UBE2E2: variants seen among roughly 807,000 people sequenced by gnomAD.
The protein encoded by UBE2E2 is ubiquitin conjugating enzyme E2 E2.
Under a neutral mutation model 24.7 loss-of-function variants are expected in UBE2E2, and 6 were observed. The ratio of observed to expected loss-of-function variants is 0.24; its 90% CI spans 0.13 to 0.48. UBE2E2 has a LOEUF of 0.48. Ranked by LOEUF, UBE2E2 falls within the 20% of genes least tolerant of loss-of-function variation. The probability of loss-of-function intolerance (pLI) is 0.99; values close to 1 mark genes in which losing one functional copy is unlikely to be tolerated. For synonymous variants in UBE2E2, 104 were observed against 83.6 expected (o/e 1.24, Z -1.33); for missense variants, 169 against 245.0 (o/e 0.69, Z 2.07).
At chr3:23,267,618 C>G (rs1365502105) in intron 3 of UBE2E2, among the ~76,000 whole-genome samples, 1 of 151,920 alleles carries the variant, frequency 6.6e-6, no homozygotes, top group Non-Finnish European at 1.5e-5. Context: ...CCGAATTCTA[C>G]CAGAGGTACA....
At chr3:23,502,394 G>A (rs1206831762) in intron 4 of UBE2E2, among the ~76,000 whole-genome samples, 3 of 151,984 alleles carry the variant, frequency 2.0e-5, no homozygotes. Context: ...TATTTGTGTG[G>A]ATATACATAC....
At chr3:23,577,123 C>CT (rs1477274407) in intron 5 of UBE2E2, among the ~76,000 whole-genome samples, 1 of 151,810 alleles carries the variant, frequency 6.6e-6, no homozygotes, top group Non-Finnish European at 1.5e-5. Context: ...GTAATGGCCT[C>CT]TAAGTGTTCA....
At chr3:23,448,014 A>C (rs34896901) in intron 3 of UBE2E2, among the ~76,000 whole-genome samples, 15,530 of 152,228 alleles carry the variant, frequency 0.1, 930 homozygotes, top group East Asian at 0.13. Context: ...AAGTAAATAT[A>C]AAATCAATGT....
At chr3:23,370,603 A>T (rs539547750) in intron 3 of UBE2E2, among the ~76,000 whole-genome samples, 1 of 152,338 alleles carries the variant, frequency 6.6e-6, no homozygotes, top group Non-Finnish European at 1.5e-5. Flanking sequence ...ATGATGTGAA[A>T]AGAAGAATGG....
At chr3:23,296,374 G>A (rs898128446) in intron 3 of UBE2E2, among the ~76,000 whole-genome samples, 1 of 151,526 alleles carries the variant, frequency 6.6e-6, no homozygotes, top group Non-Finnish European at 1.5e-5. Flanking sequence ...TGCAGGTTTG[G>A]TACATATGTA....
chr3:23,417,878 A>C (rs1697680876), intron 3 of UBE2E2, among the ~76,000 whole-genome samples: 1 of 152,100 alleles, frequency 6.6e-6, no homozygotes, highest in Admixed American at 6.5e-5. Flanking sequence ...CCACCTACTA[A>C]AGCCTCAATA....
At chr3:23,323,736 C>A (rs144192843) in intron 3 of UBE2E2, 31 of 244,254 alleles carry the variant, frequency 1.3e-4, no homozygotes, top group East Asian at 1.2e-3. Flanking sequence ...TAGCAAACTC[C>A]TGTCCTTATT....
At chr3:23,321,907 CAT>C (rs1198049325) in intron 3 of UBE2E2, among the ~76,000 whole-genome samples, 1 of 151,574 alleles carries the variant, frequency 6.6e-6, no homozygotes, top group Non-Finnish European at 1.5e-5. Context: ...ATTGGGATGA[CAT>C]ATAATTCATC....
At chr3:23,281,476 A>T (rs1023985773) in intron 3 of UBE2E2, among the ~76,000 whole-genome samples, 1 of 152,178 alleles carries the variant, frequency 6.6e-6, no homozygotes, top group Non-Finnish European at 1.5e-5. Context: ...ACAAAAAATA[A>T]AATAAAATAA....
chr3:23,401,591 C>A (rs867366577), intron 3 of UBE2E2, among the ~76,000 whole-genome samples: 3 of 152,146 alleles, frequency 2.0e-5, no homozygotes, highest in African/African-American at 7.2e-5. Flanking sequence ...TTCTAACTTT[C>A]TCCTCCTGTC....
chr3:23,437,739 A>G (rs1372166619), intron 3 of UBE2E2, among the ~76,000 whole-genome samples: 2 of 152,222 alleles, frequency 1.3e-5, no homozygotes, highest in East Asian at 3.9e-4. Flanking sequence ...TTGGATTTCT[A>G]CGTCCTTTTG....
intron 3 of UBE2E2, among the ~76,000 whole-genome samples, chr3:23,429,291 G>A (rs1308090624): frequency 6.6e-6 from 1 of 152,030 alleles, no homozygotes; most frequent in African/African-American, 2.4e-5. Flanking sequence ...CATTCTGTGA[G>A]GCCACCATCC....
intron 4 of UBE2E2, among the ~76,000 whole-genome samples, chr3:23,519,552 T>A (rs1445322864): frequency 6.6e-6 from 1 of 152,230 alleles, no homozygotes; most frequent in Non-Finnish European, 1.5e-5. Flanking sequence ...ATTCAAAGAT[T>A]ATACATGTTA....
intron 4 of UBE2E2, among the ~76,000 whole-genome samples, 200 bp downstream of exon 4, chr3:23,499,940 GT>G (rs1025348188): frequency 1.8e-4 from 27 of 151,766 alleles, no homozygotes; most frequent in Admixed American, 1.2e-3. Context: ...TGATTTCATT[GT>G]TTTTTTTCTC....
chr3:23,443,871 C>T (rs1165890264), intron 3 of UBE2E2, among the ~76,000 whole-genome samples: 1 of 152,162 alleles, frequency 6.6e-6, no homozygotes, highest in Admixed American at 6.5e-5. Context: ...GCCTTCACTT[C>T]ATCCCTGAGA....
At chr3:23,308,386 C>A (rs1240577411) in intron 3 of UBE2E2, among the ~76,000 whole-genome samples, 1 of 152,140 alleles carries the variant, frequency 6.6e-6, no homozygotes, top group Non-Finnish European at 1.5e-5. Flanking sequence ...CATTATCCTT[C>A]ATTGCGAAGA....
intron 3 of UBE2E2, among the ~76,000 whole-genome samples, chr3:23,491,001 A>T (rs1250019746): frequency 6.6e-6 from 1 of 152,144 alleles, no homozygotes; most frequent in Non-Finnish European, 1.5e-5. Context: ...ATTTCAGGAG[A>T]ATTAGAACCA....
intron 3 of UBE2E2, among the ~76,000 whole-genome samples, chr3:23,449,679 A>G (rs1698513959): frequency 6.6e-6 from 1 of 152,188 alleles, no homozygotes; most frequent in East Asian, 1.9e-4. Context: ...ATTTTTTCCT[A>G]GGGGACTCAG....
chr3:23,419,309 A>C (rs994097633), intron 3 of UBE2E2, among the ~76,000 whole-genome samples: 2 of 151,970 alleles, frequency 1.3e-5, no homozygotes, highest in African/African-American at 4.8e-5. Flanking sequence ...ATAACCCCCT[A>C]AGCTTTGCTG....
Sources: allele counts gnomAD v4.1 joint callset (sites outside exome capture counted in the v4.1 genomes callset), GRCh38; gene constraint gnomAD v4.1.1; transcripts MANE v1.5; gene names NCBI Gene and HGNC (gene_info 2026-07-23, HGNC 2026-07-21).